The following TBC1D9 variants were observed in gnomAD, a reference collection of about 807,000 sequenced individuals.
TBC1D9 encodes the protein TBC1 domain family member 9, also known as TBC1 domain family member 9A.
In TBC1D9, 63 loss-of-function variants were observed where a neutral mutation model predicts 132.0. The ratio of observed to expected loss-of-function variants is 0.48; its 90% CI spans 0.39 to 0.59. The LOEUF (loss-of-function observed/expected upper bound fraction) is 0.59. TBC1D9 is among the 20% of genes least tolerant of loss of function. TBC1D9 has a pLI of 0.00. For synonymous variants in TBC1D9, 610 were observed against 609.9 expected, an observed-to-expected ratio of 1.00 and a Z score of 0.00; for missense variants, 1,261 against 1,592.7, an observed-to-expected ratio of 0.79 and a Z score of 3.54.
At chr4:140,695,470 C>T (rs1441926747) in intron 2 of TBC1D9, among the ~76,000 whole-genome samples, 1 of 152,220 alleles carries the variant, frequency 6.6e-6, no homozygotes, top group Non-Finnish European at 1.5e-5. Context: ...AACACATCCT[C>T]TCCACGCTTT....
chr4:140,659,869 C>G (rs953291528), intron 10 of TBC1D9, among the ~76,000 whole-genome samples, 164 bp from the exon 11 acceptor site: 1 of 152,170 alleles, frequency 6.6e-6, no homozygotes, highest in Non-Finnish European at 1.5e-5. Flanking sequence ...TAGTCTCTGT[C>G]ATATATTCTT....
intron 9 of TBC1D9, 84 bp from the exon 10 acceptor site, chr4:140,662,191 T>C (rs1737372868): frequency 9.3e-7 from 1 of 1,073,390 alleles, no homozygotes; most frequent in Non-Finnish European, 1.4e-6. Context: ...ATTGAACTGC[T>C]TTACTTTCCT....
rs76848400 is a variant in TBC1D9 at position 140,713,303 on chromosome 4, C to T, written c.131-11689G>A. ...TGCCTTCAGCTACATATAAGCAAGA[C>T]AAAGAAAAAAGCCCAGGAGACCAGC... On this transcript the variant is annotated intron_variant, in intron 1 of 20. Coordinates refer to ENST00000442267, the MANE Select transcript of TBC1D9 (RefSeq NM_015130.3). 4.3e-3 allele frequency among the ~76,000 whole-genome samples: 649 copies of T among 151,700 alleles called. 3 individuals carry two copies. The highest frequency in any genetic ancestry group is 0.015 in the African/African-American group (611 of 41,340).
At chr4:140,694,199 G>T (rs1225659668) in intron 2 of TBC1D9, among the ~76,000 whole-genome samples, 2 of 152,156 alleles carry the variant, frequency 1.3e-5, no homozygotes, top group Non-Finnish European at 1.5e-5. Flanking sequence ...TACAGTAATA[G>T]TAGGGGAAAA....
chr4:140,653,315 G>A (rs999560653), intron 13 of TBC1D9, among the ~76,000 whole-genome samples: 18 of 152,304 alleles, frequency 1.2e-4, no homozygotes, highest in African/African-American at 3.9e-4. Flanking sequence ...TAATTATCCT[G>A]AAGAACAGAA....
intron 1 of TBC1D9, among the ~76,000 whole-genome samples, chr4:140,717,373 T>G (rs536332765): frequency 1.6e-4 from 25 of 152,364 alleles, no homozygotes; most frequent in Non-Finnish European, 2.2e-4. Flanking sequence ...TTAAGCTGCT[T>G]CTTCTAACCG....
Position 140,718,633 on chromosome 4 carries a change from C to T in TBC1D9, c.131-17019G>A, listed in dbSNP as rs17006386. Reference sequence around the variant, plus strand: ...AATTTCCAGAAGATCACCAGGGAAACCCCTAGAAAAACTAAGCTCATTTAA... The same window carrying T: ...AATTTCCAGAAGATCACCAGGGAAATCCCTAGAAAAACTAAGCTCATTTAA... On this transcript the variant is annotated intron_variant, in intron 1 of 20. Transcript: ENST00000442267. Among the ~76,000 whole-genome samples, 1,505 of 152,278 alleles carry T rather than the reference C, an allele frequency of 9.9e-3. 32 individuals are homozygous for T. The highest frequency in any genetic ancestry group is 0.035 in the African/African-American group (1,445 of 41,540).
chr4:140,704,399 TCAAACAAA>T (rs10660967), intron 1 of TBC1D9, among the ~76,000 whole-genome samples: 3 of 133,522 alleles, frequency 2.2e-5, no homozygotes, highest in Admixed American at 7.9e-5. Flanking sequence ...AGACTCTGTC[TCAAACAAA>T]CAAACAAACA....
At chr4:140,643,404 ATGCCAGCCAGT>A in intron 13 of TBC1D9, 34 of 1,116,478 alleles carry the variant, frequency 3.0e-5, no homozygotes, top group Non-Finnish European at 4.1e-5. Context: ...GGCCACCTCC[ATGCCAGCCAGT>A]GGGTCTTCCA....
chr4:140,709,963 C>T (rs541192267), intron 1 of TBC1D9, among the ~76,000 whole-genome samples: 1 of 152,288 alleles, frequency 6.6e-6, no homozygotes, highest in Non-Finnish European at 1.5e-5. Flanking sequence ...CACGGACTGA[C>T]AGGTACTTGT....
intron 13 of TBC1D9, among the ~76,000 whole-genome samples, chr4:140,646,918 AG>A (rs1737111480): frequency 6.6e-6 from 1 of 152,250 alleles, no homozygotes; most frequent in South Asian, 2.1e-4. Context: ...AAGAGTTAGT[AG>A]GGGCTGCCAT....
chr4:140,707,216 T>A (rs1281212308), intron 1 of TBC1D9, among the ~76,000 whole-genome samples: 1 of 152,164 alleles, frequency 6.6e-6, no homozygotes, highest in Non-Finnish European at 1.5e-5. Flanking sequence ...ACTAATTAAT[T>A]TTCTTGTTTA....
chr4:140,710,570 C>T (rs1482568494), intron 1 of TBC1D9, among the ~76,000 whole-genome samples: 1 of 152,142 alleles, frequency 6.6e-6, no homozygotes, highest in Non-Finnish European at 1.5e-5. Context: ...AGCATTTTAT[C>T]TGTATCCAAT....
chr4:140,658,962 A>G (rs1192498925), intron 11 of TBC1D9, among the ~76,000 whole-genome samples: 1 of 152,216 alleles, frequency 6.6e-6, no homozygotes, highest in Non-Finnish European at 1.5e-5. Context: ...CAATAATCAA[A>G]TTCATGTGCA....
At chr4:140,639,508 A>T in intron 13 of TBC1D9, 80 bp from the exon 14 acceptor site, 1 of 941,306 alleles carries the variant, frequency 1.1e-6, no homozygotes, top group Non-Finnish European at 1.7e-6. Flanking sequence ...CCTGCAACAC[A>T]CTCTTGACAC....
At position 140,622,716 on chromosome 4, in the gene TBC1D9, C is replaced by A; in HGVS notation, c.3280G>T (p.Val1094Leu). Residue 1094 changes from valine (V) to leucine (L), a missense_variant, in exon 21 of 21, where the codon GTG becomes TTG. Around this residue, in one of 3 missense-constraint regions of TBC1D9, gnomAD observed 618 missense variants for 724.4 expected, o/e 0.85. Transcript: ENST00000442267. Reference protein sequence around the residue: ...GPSCHQGIPGVLFPKKGPGQP... With the variant: ...GPSCHQGIPGLLFPKKGPGQP... ...CCTGGCCCTTTCTTGGGGAAGAGCA[C>A]GCCTGGGATGCCCTGGTGGCAGGAC... 6.2e-7 allele frequency: 1 copy of A among 1,610,268 alleles called. No homozygotes were observed. Among genetic ancestry groups the A allele is most frequent in the Non-Finnish European group, 8.5e-7 (1 of 1,179,510 alleles).
At position 140,734,827 on chromosome 4, in the gene TBC1D9, A is replaced by G. The variant is rs182060627; in HGVS notation, c.130+21089T>C. ...AAAAATAATAAACACAAATTTGAAA[A>G]ACCTAATTAATGTTTTTTGCTTTCA... On this transcript the variant is annotated intron_variant, in intron 1 of 20. Coordinates refer to ENST00000442267, the MANE Select transcript of TBC1D9 (RefSeq NM_015130.3). Among the ~76,000 whole-genome samples the G allele has an allele frequency of 3.8e-3, 576 of 152,212 alleles. 2 individuals are homozygous for G. The highest frequency in any genetic ancestry group is 7.0e-3 in the Non-Finnish European group (473 of 68,008).
At chr4:140,746,205 G>A (rs1489014255) in intron 1 of TBC1D9, among the ~76,000 whole-genome samples, 2 of 152,130 alleles carry the variant, frequency 1.3e-5, no homozygotes, top group Non-Finnish European at 2.9e-5. Context: ...GTAAAGTTCA[G>A]CGCCCTAAAC....
intron 3 of TBC1D9, among the ~76,000 whole-genome samples, chr4:140,681,470 T>C (rs771960302): frequency 6.6e-5 from 10 of 152,188 alleles, no homozygotes; most frequent in Non-Finnish European, 1.2e-4. Flanking sequence ...TCTTCTATAA[T>C]CTCTGTCACT....
Sources: gnomAD v4.1 joint callset for allele counts (sites outside exome capture counted in the v4.1 genomes callset) on GRCh38, gnomAD v4.1.1 for gene constraint, gnomAD v4.1.1 regional missense constraint, MANE v1.5 for transcripts, NCBI Gene and HGNC (gene_info 2026-07-23, HGNC 2026-07-21) for gene names.